Variants in SDK1 observed in about 807,000 individuals in gnomAD.
The protein encoded by SDK1 is protein sidekick-1.
A neutral mutation model predicts 245.5 loss-of-function variants in SDK1; 157 were observed. That is an observed-to-expected ratio of 0.64 (90% CI 0.56 to 0.73). The LOEUF (loss-of-function observed/expected upper bound fraction) is 0.73. Ranked by LOEUF, SDK1 falls within the 30% of genes least tolerant of loss-of-function variation. The probability of loss-of-function intolerance (pLI) is 0.00; values close to 1 mark genes in which losing one functional copy is unlikely to be tolerated. For synonymous variants in SDK1, 1,647 were observed against 1,278.5 expected (o/e 1.29, Z -6.15); for missense variants, 3,583 against 3,002.3 (o/e 1.19, Z -4.52).
chr7:3,394,164 C>T (rs1047632242), intron 1 of SDK1, among the ~76,000 whole-genome samples: 2 of 151,736 alleles, frequency 1.3e-5, no homozygotes, highest in African/African-American at 4.8e-5. Flanking sequence ...TCCTTTTCTC[C>T]CAAACACATG....
At chr7:3,899,224 G>C (rs181648463) in intron 5 of SDK1, among the ~76,000 whole-genome samples, 1 of 152,134 alleles carries the variant, frequency 6.6e-6, no homozygotes, top group Non-Finnish European at 1.5e-5. Context: ...TAATATATGA[G>C]TATGTATCAC....
intron 22 of SDK1, among the ~76,000 whole-genome samples, chr7:4,087,479 GCACA>G (rs10660112): frequency 8.0e-5 from 12 of 150,250 alleles, no homozygotes; most frequent in Non-Finnish European, 1.6e-4. Flanking sequence ...ACACACGCGC[GCACA>G]CACACACACA....
intron 42 of SDK1, 73 bp downstream of exon 42, chr7:4,237,857 G>C: frequency 2.6e-6 from 4 of 1,544,630 alleles, no homozygotes; most frequent in Non-Finnish European, 3.6e-6. Flanking sequence ...TTCTCTCGTG[G>C]ATCTGCCGGG....
intron 14 of SDK1, among the ~76,000 whole-genome samples, chr7:4,005,910 G>T (rs1201016821): frequency 1.3e-5 from 2 of 151,930 alleles, no homozygotes; most frequent in African/African-American, 4.8e-5. Flanking sequence ...ACACACCTGT[G>T]GTCCCAGCCT....
chr7:3,931,344 C>A (rs1468522584), intron 5 of SDK1, among the ~76,000 whole-genome samples: 2 of 152,192 alleles, frequency 1.3e-5, no homozygotes, highest in African/African-American at 4.8e-5. Flanking sequence ...AATGTTCATA[C>A]AACTATATTG....
intron 19 of SDK1, among the ~76,000 whole-genome samples, chr7:4,059,508 C>T (rs1388389332): frequency 6.6e-6 from 1 of 152,206 alleles, no homozygotes; most frequent in East Asian, 1.9e-4. Context: ...ACTTTAACAT[C>T]CCCCTCTCAG....
chr7:3,954,098 G>A (rs996824448), intron 7 of SDK1, among the ~76,000 whole-genome samples: 28 of 34,454 alleles, frequency 8.1e-4, no homozygotes, highest in Admixed American at 7.4e-3. Flanking sequence ...ACACAGGACA[G>A]GCTAGTTGGG....
chr7:3,488,389 A>T (rs1385990881), intron 1 of SDK1, among the ~76,000 whole-genome samples: 1 of 152,090 alleles, frequency 6.6e-6, no homozygotes, highest in Non-Finnish European at 1.5e-5. Flanking sequence ...TTGAGACACG[A>T]TTTAATATTA....
At chr7:4,055,040 T>C (rs1779112666) in intron 19 of SDK1, among the ~76,000 whole-genome samples, 1 of 152,242 alleles carries the variant, frequency 6.6e-6, no homozygotes, top group Non-Finnish European at 1.5e-5. Flanking sequence ...TCATGAGAGA[T>C]ATTAATCTGT....
chr7:4,086,047 T>G (rs1188750606), intron 22 of SDK1, among the ~76,000 whole-genome samples: 2 of 152,214 alleles, frequency 1.3e-5, no homozygotes, highest in African/African-American at 4.8e-5. Context: ...TTTTCCTTTT[T>G]CTTTTTCTTT....
intron 35 of SDK1, among the ~76,000 whole-genome samples, chr7:4,187,113 G>T (rs1244385612): frequency 6.6e-6 from 1 of 152,158 alleles, no homozygotes. Flanking sequence ...CTGTGTGAGG[G>T]ACTGTGAGAG....
chr7:3,711,118 T>C (rs1785038460), intron 4 of SDK1, among the ~76,000 whole-genome samples: 1 of 152,234 alleles, frequency 6.6e-6, no homozygotes, highest in South Asian at 2.1e-4. Flanking sequence ...AAGTTTGAAT[T>C]GTCTTATTTA....
At chr7:3,540,860 A>T (rs1221057190) in intron 1 of SDK1, among the ~76,000 whole-genome samples, 6 of 152,234 alleles carry the variant, frequency 3.9e-5, no homozygotes, top group Non-Finnish European at 8.8e-5. Flanking sequence ...CAAGGAATTT[A>T]CATGAAACTG....
At chr7:3,494,685 C>T (rs1253573074) in intron 1 of SDK1, among the ~76,000 whole-genome samples, 1 of 152,164 alleles carries the variant, frequency 6.6e-6, no homozygotes, top group East Asian at 1.9e-4. Flanking sequence ...TTAAAGAAGT[C>T]AGAGAATATA....
At chr7:4,139,691 ATGTGTG>A (rs751924002) in intron 28 of SDK1, among the ~76,000 whole-genome samples, 4 of 110,466 alleles carry the variant, frequency 3.6e-5, no homozygotes, top group Non-Finnish European at 7.2e-5. Context: ...GTGTGTGTGT[ATGTGTG>A]TGTGTGTATG....
chr7:4,045,438 GTC>G (rs1458824970), intron 17 of SDK1, among the ~76,000 whole-genome samples: 2 of 151,696 alleles, frequency 1.3e-5, no homozygotes, highest in Admixed American at 6.6e-5. Context: ...TAGGGACGGG[GTC>G]TCTCTGTGTT....
intron 5 of SDK1, among the ~76,000 whole-genome samples, chr7:3,880,987 C>A (rs7783421): frequency 6.6e-6 from 1 of 152,088 alleles, no homozygotes; most frequent in Non-Finnish European, 1.5e-5. Flanking sequence ...CGCCCACTCA[C>A]CCTTGAGAAC....
intron 5 of SDK1, among the ~76,000 whole-genome samples, chr7:3,841,891 G>A (rs1490695067): frequency 6.6e-6 from 1 of 152,122 alleles, no homozygotes; most frequent in East Asian, 1.9e-4. Flanking sequence ...CATAAGGATG[G>A]CCAGATGCAA....
At chr7:3,981,793 G>A (rs1657725712) in intron 13 of SDK1, among the ~76,000 whole-genome samples, 1 of 152,142 alleles carries the variant, frequency 6.6e-6, no homozygotes, top group African/African-American at 2.4e-5. Flanking sequence ...AAGCTAGCAG[G>A]GGTTGGTTTG....
Sources: allele counts gnomAD v4.1 joint callset (sites outside exome capture counted in the v4.1 genomes callset), GRCh38; gene constraint gnomAD v4.1.1; transcripts MANE v1.5; gene names NCBI Gene and HGNC (gene_info 2026-07-23, HGNC 2026-07-21).